Variants in ZNF333 observed in about 807,000 individuals in gnomAD.
ZNF333 encodes zinc finger protein 333.
ZNF333 carries 61 observed loss-of-function variants against 76.1 expected under a neutral mutation model. The ratio of observed to expected loss-of-function variants is 0.80; its 90% CI spans 0.65 to 0.99. ZNF333 has a LOEUF of 0.99. Ranked by LOEUF, ZNF333 falls within the 50% of genes least tolerant of loss-of-function variation. The probability of loss-of-function intolerance (pLI) is 0.00; values close to 1 mark genes in which losing one functional copy is unlikely to be tolerated. For missense variants in ZNF333, 717 were observed against 822.4 expected (o/e 0.87, Z 1.57); for synonymous variants, 284 against 305.0 (o/e 0.93, Z 0.72).
Position 14,717,067 on chromosome 19 carries a change from C to T in ZNF333, c.801C>T (p.Gly267=), listed in dbSNP as rs150030954. 2.1e-5 allele frequency: 33 copies of T among 1,608,552 alleles called. No individual in the cohort carries two copies. Among genetic ancestry groups the T allele is most frequent in the South Asian group, 4.4e-5 (4 of 89,942 alleles). The change falls in exon 10 of 12, where the codon GGC becomes GGT. Residue 267 remains glycine, a synonymous_variant. Transcript: ENST00000292530. ...ERGEQWTTDR[G]VLSDTCAEPQ... ...GAGAGCAGTGGACCACTGACAGGGG[C>T]GTCCTCTCAGACACCTGTGCAGGTG...
Position 14,720,629 on chromosome 19 carries a change from G to A in ZNF333, c.*1304G>A. ...TGTTTGTTTTTGTTTTTGGTGGGAG[G>A]TTTATTTCACCTGAATATAATTCCT... On this transcript the variant is annotated 3_prime_UTR_variant, in exon 12 of 12. Coordinates refer to ENST00000292530, the MANE Select transcript of ZNF333 (RefSeq NM_032433.4). The A allele has an allele frequency of 1.0e-6, 1 of 985,336 alleles. No homozygotes were observed. Among genetic ancestry groups the A allele is most frequent in the Non-Finnish European group, 1.2e-6 (1 of 829,912 alleles). The allele number at this position is 985,336 out of a possible 1,614,324, so 61.0% of individuals were successfully genotyped here.
At chr19:14,701,504 T>G (rs1208000150) in intron 5 of ZNF333, 8 of 892,314 alleles carry the variant, frequency 9.0e-6, no homozygotes, top group Admixed American at 1.2e-4. Flanking sequence ...GCTTGTTGAA[T>G]GAAGGAAGGA....
In ZNF333 at chr19:14,719,010, C is replaced by G. The variant is rs904877531; in HGVS notation, c.1683C>G (p.Pro561=). The change falls in exon 12 of 12, where the codon CCC becomes CCG. Residue 561 remains proline (P), a synonymous_variant. Transcript: ENST00000292530. ...SHMRTHTGEK[P]YVCQECGRAF... ...TGCGAACTCACACTGGAGAGAAGCC[C>G]TATGTGTGCCAGGAATGTGGGCGAG... 17 of 1,614,082 alleles carry G rather than the reference C, an allele frequency of 1.1e-5. No homozygotes were observed. The highest frequency in any genetic ancestry group is 1.4e-5 in the Non-Finnish European group (17 of 1,180,036).
intron 5 of ZNF333, among the ~76,000 whole-genome samples, chr19:14,700,869 G>A (rs4273163): frequency 3.9e-5 from 6 of 152,172 alleles, no homozygotes; most frequent in Admixed American, 1.3e-4. Flanking sequence ...CCACACAGTG[G>A]ATGGGGTGCA....
chr19:14,695,335 C>G (rs1973099694), intron 3 of ZNF333, among the ~76,000 whole-genome samples: 1 of 152,190 alleles, frequency 6.6e-6, no homozygotes, highest in African/African-American at 2.4e-5. Flanking sequence ...CCCCAGGCTT[C>G]TGAGGTGAGA....
intron 11 of ZNF333, among the ~76,000 whole-genome samples, chr19:14,728,611 T>C (rs2042648438): frequency 6.6e-6 from 1 of 152,238 alleles, no homozygotes; most frequent in Non-Finnish European, 1.5e-5. Context: ...CATCAAACTT[T>C]CTCTAGACCT....
intron 9 of ZNF333, 101 bp downstream of exon 9, chr19:14,716,339 A>G (rs375820300): frequency 1.8e-5 from 25 of 1,370,838 alleles, no homozygotes; most frequent in African/African-American, 1.8e-4. Context: ...GCTCACTGCA[A>G]CCTCCGCTTC....
intron 6 of ZNF333, chr19:14,706,102 G>C (rs1252098715): frequency 8.7e-6 from 4 of 457,500 alleles, no homozygotes; most frequent in Non-Finnish European, 1.8e-5. Flanking sequence ...TGCCTCTCCT[G>C]TCCCTGCTGC....
At chr19:14,705,704 G>A (rs1183623647) in intron 6 of ZNF333, among the ~76,000 whole-genome samples, 1 of 152,222 alleles carries the variant, frequency 6.6e-6, no homozygotes, top group Admixed American at 6.5e-5. Flanking sequence ...GGTGAGCGGC[G>A]AGCATCCATG....
rs919474464 is a variant in ZNF333 at position 14,721,293 on chromosome 19, T to G, written c.*1968T>G. 3 of 148,122 alleles carry G rather than the reference T, an allele frequency of 2.0e-5. No homozygotes were observed. The highest frequency in any genetic ancestry group is 7.5e-5 in the African/African-American group (3 of 39,878). The allele number at this position is 148,122 out of a possible 1,614,324, so 9.2% of individuals were successfully genotyped here. ...TTTTTACTTGTTCTTTTTTTTTTTT[T>G]TTTTTTTTTTTTGGTTTTAAAGTTC... On this transcript the variant is annotated 3_prime_UTR_variant, in exon 12 of 12. Transcript: ENST00000292530.
Position 14,721,794 on chromosome 19 carries a change from A to G in ZNF333, c.*2469A>G, listed in dbSNP as rs2042591273. 6.6e-6 allele frequency: 1 copy of G among 152,182 alleles called. No homozygotes were observed. The highest frequency in any genetic ancestry group is 1.5e-5 in the Non-Finnish European group (1 of 68,032). 9.4% of individuals were successfully genotyped at this position (152,182 alleles called of 1,614,324 possible). A position where few individuals can be genotyped will look rare whatever the true frequency, so the allele number is the denominator to read the frequency against. ...TATACCACATTTTCTTTATCCATTC[A>G]TCCACCGATGGACAGTTAGGTTGAT... On this transcript the variant is annotated 3_prime_UTR_variant, in exon 12 of 12. Coordinates refer to ENST00000292530, the MANE Select transcript of ZNF333 (RefSeq NM_032433.4).
intron 2 of ZNF333, among the ~76,000 whole-genome samples, chr19:14,693,980 T>TAA (rs61027794): frequency 8.0e-4 from 90 of 113,088 alleles, no homozygotes; most frequent in African/African-American, 2.2e-3. Context: ...ACCTTGTCTC[T>TAA]AAAAAAAAAA....
chr19:14,706,249 C>T (rs531267873), intron 6 of ZNF333: 42 of 447,936 alleles, frequency 9.4e-5, no homozygotes, highest in South Asian at 4.1e-4. Flanking sequence ...GTTTCCTGAG[C>T]GAGCAGCTGC....
chr19:14,717,830 C>G, intron 11 of ZNF333, 97 bp downstream of exon 11: 1 of 1,235,770 alleles, frequency 8.1e-7, no homozygotes. Flanking sequence ...AAGAGCGATT[C>G]GAGGCAAGAA....
In ZNF333 at chr19:14,693,449, A is replaced by G. The variant is rs778306710; in HGVS notation, c.-41-2A>G. On this transcript the variant is annotated splice_acceptor_variant, in intron 1 of 11. Transcript: ENST00000292530. LOFTEE classifies it low-confidence loss of function (5UTR_SPLICE). The stretch of plus-strand genomic sequence containing the variant: ...TTTACCTCAGTGTCTCCTTTATTGC[A>G]GGGAGAACACCGACTGAGACCTCAA... The G allele has an allele frequency of 3.1e-6, 5 of 1,591,342 alleles. No homozygotes were observed. Among genetic ancestry groups the G allele is most frequent in the South Asian group, 2.2e-5 (2 of 89,068 alleles).
chr19:14,713,233 C>A (rs1168126790), intron 7 of ZNF333, among the ~76,000 whole-genome samples: 1 of 152,134 alleles, frequency 6.6e-6, no homozygotes, highest in Admixed American at 6.5e-5. Flanking sequence ...GATAGACATT[C>A]CCATTTCAAA....
At chr19:14,718,115 A>G (rs779573701) in intron 11 of ZNF333, 113 bp from the exon 12 acceptor site, 35 of 1,404,958 alleles carry the variant, frequency 2.5e-5, no homozygotes, top group Non-Finnish European at 2.9e-5. Context: ...GACTCCATAA[A>G]TGGTAAAAGT....
chr19:14,698,329 A>G (rs1385749616), intron 4 of ZNF333, among the ~76,000 whole-genome samples: 1 of 144,364 alleles, frequency 6.9e-6, no homozygotes, highest in East Asian at 2.1e-4. Context: ...AGCCGAGATC[A>G]TGCCATTGTA....
intron 11 of ZNF333, among the ~76,000 whole-genome samples, chr19:14,727,023 GCTTT>G (rs1298951507): frequency 5.4e-5 from 7 of 129,976 alleles, no homozygotes; most frequent in African/African-American, 1.8e-4. Context: ...AAGAAAAGAG[GCTTT>G]TTTTTTTTTT....
Sources: allele counts gnomAD v4.1 joint callset (sites outside exome capture counted in the v4.1 genomes callset), GRCh38; gene constraint gnomAD v4.1.1; transcripts MANE v1.5; gene names NCBI Gene and HGNC (gene_info 2026-07-23, HGNC 2026-07-21).